Variants in ADAMTS10 observed in about 807,000 individuals in gnomAD.
ADAMTS10 encodes A disintegrin and metalloproteinase with thrombospondin motifs 10.
In ADAMTS10, 48 loss-of-function variants were observed where a neutral mutation model predicts 135.9. That is an observed-to-expected ratio of 0.35 (90% confidence interval 0.28 to 0.45). ADAMTS10 has a LOEUF of 0.45. Ranked by LOEUF, ADAMTS10 falls within the 20% of genes least tolerant of loss-of-function variation. The pLI is 1.00. For missense variants in ADAMTS10, 1,131 were observed against 1,565.2 expected, an observed-to-expected ratio of 0.72 and a Z score of 4.68; for synonymous variants, 621 against 647.5, an observed-to-expected ratio of 0.96 and a Z score of 0.62.
At position 8,589,613 on chromosome 19, in the gene ADAMTS10, G is replaced by C. The variant is rs564960276; in HGVS notation, c.1901-28C>G. 3 of 1,612,716 alleles carry C rather than the reference G, an allele frequency of 1.9e-6. No homozygotes were observed. The South Asian group carries it at 3.3e-5, about 18-fold the overall frequency. On this transcript the variant is annotated intron_variant, in intron 16 of 25. Transcript: ENST00000597188. ...GGGGGGCACGGCCCCGTCACACCAC[G>C]GGCCAGGCCACCCCGGAACTCTTTG...
intron 4 of ADAMTS10, among the ~76,000 whole-genome samples, 154 bp from the exon 5 acceptor site, chr19:8,604,038 C>CTATT (rs1379108569): frequency 6.1e-5 from 9 of 147,636 alleles, no homozygotes; most frequent in South Asian, 2.1e-4. Flanking sequence ...AGTGTCCATG[C>CTATT]TATTTATTTA....
In ADAMTS10 at chr19:8,585,048, C is replaced by T. The variant is rs2042405759; in HGVS notation, c.3049G>A (p.Ala1017Thr). The T allele has an allele frequency of 1.3e-6, 2 of 1,522,370 alleles. No homozygotes were observed. Among genetic ancestry groups the T allele is most frequent in the Non-Finnish European group, 1.8e-6 (2 of 1,138,260 alleles). The allele number at this position is 1,522,370 out of a possible 1,614,324, so 94.3% of individuals were successfully genotyped here. A position where few individuals can be genotyped will look rare whatever the true frequency, so the allele number is the denominator to read the frequency against. ...TGCCGCTGCCCGACGCCGCACTGTG[C>T]AGAGCACTGCGAGGGGGCACCACTC... ...WVAGEWGECS[A>T]QCGVGQRQRS... Residue 1017 changes from alanine to threonine, a missense_variant, in exon 25 of 26, where the codon GCA (alanine) becomes ACA (threonine). Physicochemically the swap from Ala to Thr is moderately conservative, Grantham distance 58 (BLOSUM62 0). Coordinates refer to ENST00000597188, the MANE Select transcript of ADAMTS10 (RefSeq NM_030957.4).
intron 15 of ADAMTS10, among the ~76,000 whole-genome samples, chr19:8,591,346 G>A (rs1444597541): frequency 6.6e-6 from 1 of 152,002 alleles, no homozygotes; most frequent in Non-Finnish European, 1.5e-5. Flanking sequence ...ACGAGAAGGT[G>A]GTGGGGGTCA....
chr19:8,606,038 GCCCTAGTTTT>G (rs2042718632), intron 2 of ADAMTS10, among the ~76,000 whole-genome samples: 1 of 152,182 alleles, frequency 6.6e-6, no homozygotes, highest in Non-Finnish European at 1.5e-5. Flanking sequence ...CCAGCTACTG[GCCCTAGTTTT>G]CACACCACTG....
intron 6 of ADAMTS10, among the ~76,000 whole-genome samples, chr19:8,600,603 A>G (rs1425915498): frequency 6.8e-6 from 1 of 147,282 alleles, no homozygotes; most frequent in African/African-American, 2.5e-5. Flanking sequence ...GGTTCACGCC[A>G]TTCTCCTGCC....
At chr19:8,593,954 T>C (rs2042574425) in intron 12 of ADAMTS10, among the ~76,000 whole-genome samples, 1 of 152,196 alleles carries the variant, frequency 6.6e-6, no homozygotes, top group Non-Finnish European at 1.5e-5. Flanking sequence ...TGTACATATG[T>C]AAGAAGCTGG....
chr19:8,587,972 G>A (rs1555737769), intron 18 of ADAMTS10, among the ~76,000 whole-genome samples: 1 of 151,678 alleles, frequency 6.6e-6, no homozygotes, highest in Non-Finnish European at 1.5e-5. Flanking sequence ...AGTTTGGCCG[G>A]GTGTGGTGGC....
At chr19:8,581,985 G>A (rs1423008148) in intron 25 of ADAMTS10, among the ~76,000 whole-genome samples, 1 of 150,538 alleles carries the variant, frequency 6.6e-6, no homozygotes, top group East Asian at 2.0e-4. Flanking sequence ...GAGCTATGAT[G>A]GCACCACTGC....
Position 8,601,166 on chromosome 19 carries a change from A to G in ADAMTS10, c.593-21T>C. ...CTCATCTGGGGAACCCAGTAGAGCAATTAAGCCCTGCCCTGCTGGTGGGAC... is the reference window on the plus strand; with the variant it reads ...CTCATCTGGGGAACCCAGTAGAGCAGTTAAGCCCTGCCCTGCTGGTGGGAC... On this transcript the variant is annotated intron_variant, in intron 5 of 25. Coordinates refer to ENST00000597188, the MANE Select transcript of ADAMTS10 (RefSeq NM_030957.4). The surrounding 1 kb of genome is among the most constrained non-coding windows in gnomAD (Gnocchi z 4.6). 3.7e-6 allele frequency: 6 copies of G among 1,611,124 alleles called. No homozygotes were observed. Among genetic ancestry groups the G allele is most frequent in the Non-Finnish European group, 4.2e-6 (5 of 1,179,798 alleles).
intron 25 of ADAMTS10, chr19:8,582,758 T>G (rs924879383): frequency 6.6e-6 from 1 of 151,168 alleles, no homozygotes; most frequent in Non-Finnish European, 1.5e-5. Flanking sequence ...CAAGAGACAC[T>G]CCTGCCTCAG....
Position 8,589,330 on chromosome 19 carries a change from C to T in ADAMTS10, c.2070G>A (p.Leu690=). Residue 690 remains leucine, a synonymous_variant, in exon 18 of 26, where the codon CTG becomes CTA. Transcript: ENST00000597188. The part of the protein sequence containing the change: ...VGCDRVLGSD[L]REDKCRVCGG... ...CACACACTCGGCACTTGTCCTCCCG[C>T]AGGTCGGAGCCCAGGACTCGGTCGC... is the stretch of plus-strand genomic sequence containing the variant. 6.2e-7 allele frequency: 1 copy of T among 1,612,538 alleles called. No homozygotes were observed. The highest frequency in any genetic ancestry group is 8.5e-7 in the Non-Finnish European group (1 of 1,179,952).
chr19:8,605,859 C>T lies in ADAMTS10; in HGVS notation c.-99-50G>A. 12 of 1,436,204 alleles carry T rather than the reference C, an allele frequency of 8.4e-6. No homozygotes were observed. The highest frequency in any genetic ancestry group is 5.7e-5 in the South Asian group (4 of 70,482). 89.0% of individuals were successfully genotyped at this position (1,436,204 alleles called of 1,614,324 possible). ...GGGCGCCTGGTCCCGCTGTCCAGCA[C>T]AACCAATGCCAAGGCCAATCATGGC... On this transcript the variant is annotated intron_variant, in intron 2 of 25. Transcript: ENST00000597188. The surrounding 1 kb of genome is among the most constrained non-coding windows in gnomAD (Gnocchi z 7.7).
intron 12 of ADAMTS10, among the ~76,000 whole-genome samples, chr19:8,594,496 A>C (rs1555739773): frequency 6.6e-6 from 1 of 152,166 alleles, no homozygotes; most frequent in Non-Finnish European, 1.5e-5. Context: ...AACTAAAAGG[A>C]AGGCTCAATT....
At chr19:8,591,013 G>C (rs1159202362) in intron 15 of ADAMTS10, among the ~76,000 whole-genome samples, 2 of 152,176 alleles carry the variant, frequency 1.3e-5, no homozygotes, top group South Asian at 4.1e-4. Context: ...AAAGTCCAAA[G>C]CTCTCACTGC....
intron 15 of ADAMTS10, among the ~76,000 whole-genome samples, chr19:8,591,323 G>T (rs932132688): frequency 7.2e-5 from 11 of 152,026 alleles, no homozygotes; most frequent in Non-Finnish European, 1.6e-4. Flanking sequence ...TCTTTAAGGA[G>T]GAGGGGTTGG....
chr19:8,595,701 C>CGG, intron 12 of ADAMTS10, 61 bp downstream of exon 12: 8 of 1,341,842 alleles, frequency 6.0e-6, no homozygotes, highest in Non-Finnish European at 8.2e-6. Flanking sequence ...GTGGAGTTCC[C>CGG]TCCCCCAGCC....
rs368177858 is a variant in ADAMTS10, at chr19:8,600,111, C to G, written c.810+817G>C. Among the ~76,000 whole-genome samples the G allele has an allele frequency of 9.2e-5, 14 of 152,300 alleles. 1 individual carries two copies. In the South Asian group the frequency reaches 2.7e-3, roughly 29 times the overall value. The stretch of plus-strand genomic sequence containing the variant: ...CTTGGGCATGAGCCACTGTGCCCAG[C>G]CTGTGTGTATTTTTACACACAGCAA... On this transcript the variant is annotated intron_variant, in intron 6 of 25. Transcript: ENST00000597188.
intron 11 of ADAMTS10, 44 bp from the exon 12 acceptor site, chr19:8,595,947 T>G: frequency 6.2e-7 from 1 of 1,613,896 alleles, no homozygotes; most frequent in Non-Finnish European, 8.5e-7. Flanking sequence ...TGGCTGCAAA[T>G]CAAGAGCTCA....
At chr19:8,610,249 T>C (rs2042765994) in intron 1 of ADAMTS10, among the ~76,000 whole-genome samples, 1 of 150,590 alleles carries the variant, frequency 6.6e-6, no homozygotes, top group Non-Finnish European at 1.5e-5. Context: ...AACGCACACA[T>C]GCTTGGGGAC....
Sources: gnomAD v4.1 joint callset for allele counts (sites outside exome capture counted in the v4.1 genomes callset) on GRCh38, gnomAD v4.1.1 for gene constraint, Gnocchi (gnomAD v3.1) non-coding constraint, MANE v1.5 for transcripts, NCBI Gene and HGNC (gene_info 2026-07-23, HGNC 2026-07-21) for gene names.